The following RMDN3 variants were observed in gnomAD, a reference collection of about 807,000 sequenced individuals.
RMDN3 encodes the protein regulator of microtubule dynamics protein 3.
In RMDN3, 41 loss-of-function variants were observed where a neutral mutation model predicts 61.8. The ratio of observed to expected loss-of-function variants is 0.66; its 90% CI spans 0.52 to 0.86. The LOEUF (loss-of-function observed/expected upper bound fraction) is 0.86, where lower values mean the gene tolerates loss of function less well. Among genes scored for constraint, RMDN3 ranks in the 40% least tolerant of loss-of-function variants. The pLI is 0.00. For missense variants in RMDN3, 557 were observed against 585.3 expected (o/e 0.95, Z 0.50); for synonymous variants, 247 against 232.0 (o/e 1.06, Z -0.59).
intron 5 of RMDN3, among the ~76,000 whole-genome samples, chr15:40,744,549 C>T (rs1032807834): frequency 1.6e-4 from 24 of 151,608 alleles, no homozygotes; most frequent in African/African-American, 5.4e-4. Context: ...GTCAGTGAAC[C>T]TGACAAGAGA....
chr15:40,746,245 G>A (rs909994891), intron 4 of RMDN3, among the ~76,000 whole-genome samples: 7 of 152,214 alleles, frequency 4.6e-5, no homozygotes, highest in Non-Finnish European at 7.3e-5. Context: ...GCTGGGGGCG[G>A]TGGCTCACGC....
At chr15:40,741,575 A>G (rs1338771585) in intron 6 of RMDN3, among the ~76,000 whole-genome samples, 1 of 148,684 alleles carries the variant, frequency 6.7e-6, no homozygotes, top group Non-Finnish European at 1.5e-5. Context: ...ACCACCAGAT[A>G]AGGACCATCA....
At chr15:40,742,171 G>GTTTTGTTTTTTTTTTTTT (rs1161333834) in intron 6 of RMDN3, among the ~76,000 whole-genome samples, 12 of 134,958 alleles carry the variant, frequency 8.9e-5, no homozygotes, top group African/African-American at 3.4e-4. Flanking sequence ...AATTTTTTAA[G>GTTTTGTTTTTTTTTTTTT]TTTTTTTTTT....
chr15:40,745,259 A>G lies in RMDN3; in HGVS notation c.525T>C (p.Gly175=). ...ATFTDAESEG[G]YTTANAESDN... Reference sequence around the variant, plus strand: ...CAGACTCCGCATTGGCTGTTGTGTAACTGGCAGAGAAATGTAAGGGACAAC... The same window carrying G: ...CAGACTCCGCATTGGCTGTTGTGTAGCTGGCAGAGAAATGTAAGGGACAAC... Residue 175 remains glycine, a splice_region_variant and synonymous_variant, in exon 5 of 13, where the codon GGT becomes GGC. Coordinates refer to ENST00000338376, the MANE Select transcript of RMDN3 (RefSeq NM_018145.3). 1 of 1,613,292 alleles carries G rather than the reference A, an allele frequency of 6.2e-7. No individual in the cohort carries two copies. Among genetic ancestry groups the G allele is most frequent in the South Asian group, 1.1e-5 (1 of 91,078 alleles).
chr15:40,749,970 T>G (rs540519471), intron 4 of RMDN3, among the ~76,000 whole-genome samples: 3 of 152,190 alleles, frequency 2.0e-5, no homozygotes, highest in Non-Finnish European at 4.4e-5. Flanking sequence ...AAATCCAGCG[T>G]TGGTGATAAT....
chr15:40,751,976 C>T lies in RMDN3; in HGVS notation c.380+10G>A. 6.2e-7 allele frequency: 1 copy of T among 1,611,918 alleles called. No homozygotes were observed. Among genetic ancestry groups the T allele is most frequent in the Non-Finnish European group, 8.5e-7 (1 of 1,178,842 alleles). On this transcript the variant is annotated intron_variant, in intron 3 of 12. Transcript: ENST00000338376. ...AGGGATAAAGCAGGAGAAGAAGCCGCATTACTCACCGGACCTCCCCAACAA... is the reference window on the plus strand; with the variant it reads ...AGGGATAAAGCAGGAGAAGAAGCCGTATTACTCACCGGACCTCCCCAACAA...
chr15:40,754,846 G>A, intron 1 of RMDN3, 56 bp from the exon 2 acceptor site: 1 of 1,353,754 alleles, frequency 7.4e-7, no homozygotes, highest in Non-Finnish European at 1.0e-6. Flanking sequence ...GCGGGGGTAA[G>A]GAGAGAGAGA....
At chr15:40,738,718 C>A (rs1023883064) in intron 7 of RMDN3, 142 bp from the exon 8 acceptor site, 7 of 734,022 alleles carry the variant, frequency 9.5e-6, no homozygotes, top group South Asian at 1.7e-5. Context: ...TTCATCTGTA[C>A]GTAATCCCCA....
chr15:40,739,185 C>T (rs908840863), intron 7 of RMDN3: 3 of 152,622 alleles, frequency 2.0e-5, no homozygotes, highest in African/African-American at 7.2e-5. Context: ...TTCCCATCAT[C>T]TGTCTTCAGA....
At chr15:40,744,016 C>A in intron 6 of RMDN3, 31 bp downstream of exon 6, 1 of 1,577,746 alleles carries the variant, frequency 6.3e-7, no homozygotes, top group South Asian at 1.1e-5. Context: ...ATCAGTCAGT[C>A]ACCTTCCCAC....
intron 10 of RMDN3, 50 bp from the exon 11 acceptor site, chr15:40,737,391 C>T (rs1476647169): frequency 1.3e-6 from 2 of 1,545,784 alleles, no homozygotes; most frequent in East Asian, 2.2e-5. Flanking sequence ...ATATTCTAAT[C>T]AGGCTGAAGT....
chr15:40,751,465 G>C lies in RMDN3; in HGVS notation c.485C>G (p.Ser162Cys). 1 of 1,614,232 alleles carries C rather than the reference G, an allele frequency of 6.2e-7. No individual in the cohort carries two copies. The highest frequency in any genetic ancestry group is 8.5e-7 in the Non-Finnish European group (1 of 1,180,038). Residue 162 changes from serine (S) to cysteine (C), a missense_variant, in exon 4 of 13, where the codon TCC becomes TGC. Physicochemically the swap from Ser to Cys is moderately radical, Grantham distance 112. Transcript: ENST00000338376. The part of the protein sequence containing the change: ...TGSSSVYFTA[S>C]SGATFTDAES... ...AGCATCTGTGAACGTGGCTCCCGAG[G>C]AGGCCGTGAAGTAGACAGAGCTGGA...
At chr15:40,737,439 G>A in intron 10 of RMDN3, 98 bp from the exon 11 acceptor site, 1 of 1,244,330 alleles carries the variant, frequency 8.0e-7, no homozygotes, top group Non-Finnish European at 1.2e-6. Context: ...CCATGTGGCT[G>A]ATTCAGTGGG....
chr15:40,754,391 G>A (rs973713203), intron 2 of RMDN3, among the ~76,000 whole-genome samples: 2 of 151,926 alleles, frequency 1.3e-5, no homozygotes, highest in African/African-American at 4.8e-5. Context: ...CAGGTGATCC[G>A]CCCGCCTCGG....
At chr15:40,754,500 C>T in intron 2 of RMDN3, 97 bp downstream of exon 2, 1 of 1,265,926 alleles carries the variant, frequency 7.9e-7, no homozygotes, top group Non-Finnish European at 1.1e-6. Context: ...TAAAGCACTT[C>T]TCTCCGTTAC....
intron 7 of RMDN3, chr15:40,739,198 CAA>C (rs1897184271): frequency 1.3e-5 from 2 of 152,406 alleles, no homozygotes; most frequent in African/African-American, 4.8e-5. Flanking sequence ...TCTTCAGAAA[CAA>C]AGTCTTACTT....
At chr15:40,753,036 C>T (rs184612634) in intron 2 of RMDN3, among the ~76,000 whole-genome samples, 2 of 152,064 alleles carry the variant, frequency 1.3e-5, no homozygotes, top group African/African-American at 2.4e-5. Context: ...AACACTACTG[C>T]GAAGCAATTA....
At chr15:40,750,288 C>T (rs1419240002) in intron 4 of RMDN3, among the ~76,000 whole-genome samples, 2 of 144,752 alleles carry the variant, frequency 1.4e-5, no homozygotes, top group African/African-American at 5.1e-5. Flanking sequence ...GGCGCAATCT[C>T]GGCTCACTGA....
At chr15:40,742,579 A>G (rs1222340309) in intron 6 of RMDN3, among the ~76,000 whole-genome samples, 2 of 152,254 alleles carry the variant, frequency 1.3e-5, no homozygotes, top group Non-Finnish European at 2.9e-5. Context: ...ATACAATGAA[A>G]TAAACTTTAT....
Sources: gnomAD v4.1 joint callset for allele counts (sites outside exome capture counted in the v4.1 genomes callset) on GRCh38, gnomAD v4.1.1 for gene constraint, MANE v1.5 for transcripts, NCBI Gene and HGNC (gene_info 2026-07-23, HGNC 2026-07-21) for gene names.